Variants in EPOP observed in about 807,000 individuals in gnomAD.
EPOP encodes elongin BC and polycomb repressive complex 2 associated protein, also known as elongin BC and Polycomb repressive complex 2-associated protein.
EPOP carries 14 observed loss-of-function variants against 18.2 expected under a neutral mutation model. That is an observed-to-expected ratio of 0.77 (90% CI 0.51 to 1.20). The LOEUF is 1.20. EPOP is among the 50% of genes most tolerant of loss of function. EPOP has a pLI of 0.00. For synonymous variants in EPOP, 252 were observed against 274.9 expected (o/e 0.92, Z 0.83); for missense variants, 527 against 577.2 (o/e 0.91, Z 0.89).
Position 38,672,397 on chromosome 17 carries a change from C to T in EPOP, c.*959G>A, listed in dbSNP as rs1910972561. 6.6e-6 allele frequency: 1 copy of T among 152,240 alleles called. No individual in the cohort carries two copies. The highest frequency in any genetic ancestry group is 1.5e-5 in the Non-Finnish European group (1 of 68,080). The allele number at this position is 152,240 out of a possible 1,614,324, so 9.4% of individuals were successfully genotyped here. On this transcript the variant is annotated 3_prime_UTR_variant, in exon 1 of 1. Transcript: ENST00000621654. The stretch of plus-strand genomic sequence containing the variant: ...AGAATGGACTTGGGCCTGCCTTCCA[C>T]CTCCACCCCCTCTCATCCATAAATC...
At position 38,674,391 on chromosome 17, in the gene EPOP, G is replaced by A; in HGVS notation, c.105C>T (p.Phe35=). ...CGAGGGCACGCAGGCACAGCGGAGAGAATTCCTGGGTCCCCCGACACGGCT... is the reference window on the plus strand; with the variant it reads ...CGAGGGCACGCAGGCACAGCGGAGAAAATTCCTGGGTCCCCCGACACGGCT... ...PRKPCRGTQE[F]SPLCLRALAF... Residue 35 remains phenylalanine, a synonymous_variant, in exon 1 of 1, where the codon TTC becomes TTT. Coordinates refer to ENST00000621654, the MANE Select transcript of EPOP (RefSeq NM_001130677.2). The surrounding 1 kb of genome is among the most constrained non-coding windows in gnomAD (Gnocchi z 4.5). 1 of 1,543,972 alleles carries A rather than the reference G, an allele frequency of 6.5e-7. No individual in the cohort carries two copies. Among genetic ancestry groups the A allele is most frequent in the South Asian group, 1.2e-5 (1 of 83,938 alleles).
At position 38,673,691 on chromosome 17, in the gene EPOP, G is replaced by A. The variant is rs1434577334; in HGVS notation, c.805C>T (p.Arg269Cys). Residue 269 changes from arginine (R) to cysteine (C), a missense_variant, in exon 1 of 1, where the codon CGC becomes TGC. Physicochemically the swap from Arg to Cys is radical, Grantham distance 180. Transcript: ENST00000621654. Reference protein sequence around the residue: ...KGFALDTPSLRRGPERPPAKG... With the variant: ...KGFALDTPSLCRGPERPPAKG... ...GCAGGCGGCCGCTCTGGCCCCCGGC[G>A]CAAACTCGGAGTGTCCAAGGCGAAG... 1 of 1,532,524 alleles carries A rather than the reference G, an allele frequency of 6.5e-7. No individual in the cohort carries two copies. 94.9% of individuals were successfully genotyped at this position (1,532,524 alleles called of 1,614,324 possible).
chr17:38,674,457 C>T lies in EPOP; in HGVS notation c.39G>A (p.Pro13=), dbSNP rs1911062189. 1 of 1,537,344 alleles carries T rather than the reference C, an allele frequency of 6.5e-7. No individual in the cohort carries two copies. The highest frequency in any genetic ancestry group is 8.7e-7 in the Non-Finnish European group (1 of 1,144,844). ...AGCAGGGCGACCCTCGCGGGGACGC[C>T]GGCACTGCCAGGCGGGGCGCAGGGC... is the stretch of plus-strand genomic sequence containing the variant. The part of the protein sequence containing the change: ...TLCPAPRLAV[P]ASPRGSPCSP... The change falls in exon 1 of 1, where the codon CCG becomes CCA. Residue 13 remains proline, a synonymous_variant. Transcript: ENST00000621654. This position sits in a 1 kb window ranked among gnomAD's most constrained non-coding sequence, Gnocchi z 4.5.
Position 38,674,498 on chromosome 17 carries a change from A to C in EPOP, c.-3T>G, listed in dbSNP as rs1911064112. On this transcript the variant is annotated 5_prime_UTR_variant, in exon 1 of 1. Coordinates refer to ENST00000621654, the MANE Select transcript of EPOP (RefSeq NM_001130677.2). This position sits in a 1 kb window ranked among gnomAD's most constrained non-coding sequence, Gnocchi z 4.5. ...GGCGCAGGGCACAGGGTCTCCATGG[A>C]GCAGCCTGAGGGGTGCCCACTGAGC... 6.6e-7 allele frequency: 1 copy of C among 1,526,570 alleles called. No individual in the cohort carries two copies. 94.6% of individuals were successfully genotyped at this position (1,526,570 alleles called of 1,614,324 possible). A position where few individuals can be genotyped will look rare whatever the true frequency, so the allele number is the denominator to read the frequency against.
chr17:38,674,062 T>G lies in EPOP; in HGVS notation c.434A>C (p.His145Pro), dbSNP rs964240546. ...APPGRCPAPP[H>P]PRESTTSFAS... is the part of the protein sequence containing the mutation. ...GAAGCTGGTCGTAGATTCCCGAGGG[T>G]GCGGGGGCGCAGGGCAGCGGCCCGG... Residue 145 changes from histidine to proline, a missense_variant, in exon 1 of 1, where the codon CAC (histidine) becomes CCC (proline). By Grantham distance (77) the His-to-Pro change is moderately conservative. Transcript: ENST00000621654. This position sits in a 1 kb window ranked among gnomAD's most constrained non-coding sequence, Gnocchi z 4.5. 1 of 1,396,736 alleles carries G rather than the reference T, an allele frequency of 7.2e-7. No homozygotes were observed. Among genetic ancestry groups the G allele is most frequent in the Non-Finnish European group, 9.2e-7 (1 of 1,084,990 alleles). The allele number at this position is 1,396,736 out of a possible 1,614,324, so 86.5% of individuals were successfully genotyped here. A position where few individuals can be genotyped will look rare whatever the true frequency, so the allele number is the denominator to read the frequency against.
rs1460994397 is a variant in EPOP, at chr17:38,672,216, G to A, written c.*1140C>T. On this transcript the variant is annotated 3_prime_UTR_variant, in exon 1 of 1. Transcript: ENST00000621654. ...TGGGGTGTTGCGGGGGGAAGCTTAA[G>A]GTACCTCAGCCCAGGTTCCATCCAG... 1 of 152,250 alleles carries A rather than the reference G, an allele frequency of 6.6e-6. No individual in the cohort carries two copies. Among genetic ancestry groups the A allele is most frequent in the African/African-American group, 2.4e-5 (1 of 41,428 alleles). 9.4% of individuals were successfully genotyped at this position (152,250 alleles called of 1,614,324 possible). A position where few individuals can be genotyped will look rare whatever the true frequency, so the allele number is the denominator to read the frequency against.
At position 38,674,682 on chromosome 17, in the gene EPOP, G is replaced by A. The variant is rs1239790703; in HGVS notation, c.-187C>T. 2.4e-5 allele frequency: 12 copies of A among 500,932 alleles called. No homozygotes were observed. Among genetic ancestry groups the A allele is most frequent in the Non-Finnish European group, 3.6e-5 (11 of 304,362 alleles). 31.0% of individuals were successfully genotyped at this position (500,932 alleles called of 1,614,324 possible). A position where few individuals can be genotyped will look rare whatever the true frequency, so the allele number is the denominator to read the frequency against. On this transcript the variant is annotated 5_prime_UTR_variant, in exon 1 of 1. Coordinates refer to ENST00000621654, the MANE Select transcript of EPOP (RefSeq NM_001130677.2). The surrounding 1 kb of genome is among the most constrained non-coding windows in gnomAD (Gnocchi z 4.5). ...GGCTCCCTCTTCGCTCTCCTCACGC[G>A]GCCCTCCCGGCGGCCGGACTCCTGG...
In EPOP at chr17:38,674,580, G is replaced by T; in HGVS notation, c.-85C>A. The T allele has an allele frequency of 7.6e-7, 1 of 1,311,756 alleles. No homozygotes were observed. The highest frequency in any genetic ancestry group is 1.6e-5 in the South Asian group (1 of 61,064). The allele number at this position is 1,311,756 out of a possible 1,614,324, so 81.3% of individuals were successfully genotyped here. A position where few individuals can be genotyped will look rare whatever the true frequency, so the allele number is the denominator to read the frequency against. On this transcript the variant is annotated 5_prime_UTR_variant, in exon 1 of 1. Coordinates refer to ENST00000621654, the MANE Select transcript of EPOP (RefSeq NM_001130677.2). This position sits in a 1 kb window ranked among gnomAD's most constrained non-coding sequence, Gnocchi z 4.5. Reference sequence around the variant, plus strand: ...CTGCCCGAAGAGCCCACGGGTGAGGGGAACATCGCCCCCCGTCGACGGGGA... The same window carrying T: ...CTGCCCGAAGAGCCCACGGGTGAGGTGAACATCGCCCCCCGTCGACGGGGA...
At position 38,673,401 on chromosome 17, in the gene EPOP, C is replaced by A. The variant is rs1037181528; in HGVS notation, c.1095G>T (p.Glu365Asp). 4 of 1,504,962 alleles carry A rather than the reference C, an allele frequency of 2.7e-6. No homozygotes were observed. The highest frequency in any genetic ancestry group is 3.6e-6 in the Non-Finnish European group (4 of 1,126,030). The allele number at this position is 1,504,962 out of a possible 1,614,324, so 93.2% of individuals were successfully genotyped here. ...RWQMGGPAVPEPPGLKFWGIN... is the reference protein window; with the variant it reads ...RWQMGGPAVPDPPGLKFWGIN... ...TCCCCCAGAATTTGAGGCCAGGGGGCTCAGGGACAGCGGGACCCCCCATCT... is the reference window on the plus strand; with the variant it reads ...TCCCCCAGAATTTGAGGCCAGGGGGATCAGGGACAGCGGGACCCCCCATCT... The change falls in exon 1 of 1, where the codon GAG (glutamate) becomes GAT (aspartate). Residue 365 changes from glutamate (E) to aspartate (D), a missense_variant. Glu to Asp is a conservative substitution (Grantham distance 45). Coordinates refer to ENST00000621654, the MANE Select transcript of EPOP (RefSeq NM_001130677.2).
In EPOP at chr17:38,674,151, G is replaced by A. The variant is rs948504765; in HGVS notation, c.345C>T (p.Arg115=). The A allele has an allele frequency of 4.2e-6, 6 of 1,437,466 alleles. No individual in the cohort carries two copies. The highest frequency in any genetic ancestry group is 5.4e-6 in the Non-Finnish European group (6 of 1,106,850). 89.0% of individuals were successfully genotyped at this position (1,437,466 alleles called of 1,614,324 possible). ...CTCCGCCCTCTTCCTCCTCTCCGCG[G>A]CGGGGGCACGCTGCGACGTCCGCAT... is the stretch of plus-strand genomic sequence containing the variant. ...GEDADVAACP[R]RGEEEEGGGG... The change falls in exon 1 of 1, where the codon CGC becomes CGT. Residue 115 remains arginine (R), a synonymous_variant. Coordinates refer to ENST00000621654, the MANE Select transcript of EPOP (RefSeq NM_001130677.2). The surrounding 1 kb of genome is among the most constrained non-coding windows in gnomAD (Gnocchi z 4.5).
In EPOP at chr17:38,674,405, C is replaced by T; in HGVS notation, c.91G>A (p.Gly31Arg). 6.5e-7 allele frequency: 1 copy of T among 1,543,496 alleles called. No individual in the cohort carries two copies. The highest frequency in any genetic ancestry group is 8.7e-7 in the Non-Finnish European group (1 of 1,146,212). ...CACAGCGGAGAGAATTCCTGGGTCCCCCGACACGGCTTCCGGGGCGTGGGG... is the reference window on the plus strand; with the variant it reads ...CACAGCGGAGAGAATTCCTGGGTCCTCCGACACGGCTTCCGGGGCGTGGGG... The part of the protein sequence containing the change: ...CSPTPRKPCR[G>R]TQEFSPLCLR... Residue 31 changes from glycine (G) to arginine (R), a missense_variant, in exon 1 of 1, where the codon GGG becomes AGG. Transcript: ENST00000621654. The surrounding 1 kb of genome is among the most constrained non-coding windows in gnomAD (Gnocchi z 4.5).
At position 38,672,200 on chromosome 17, in the gene EPOP, GC is replaced by G. The variant is rs1437102502; in HGVS notation, c.*1155del. On this transcript the variant is annotated 3_prime_UTR_variant, in exon 1 of 1. Transcript: ENST00000621654. ...CCGCAATCCCTGAGGCTGGGGTGTT[GC>G]GGGGGGAAGCTTAAGGTACCTCAGC... The G allele has an allele frequency of 6.6e-6, 1 of 152,306 alleles. No homozygotes were observed. Among genetic ancestry groups the G allele is most frequent in the Non-Finnish European group, 1.5e-5 (1 of 68,124 alleles). The allele number at this position is 152,306 out of a possible 1,614,324, so 9.4% of individuals were successfully genotyped here. A position where few individuals can be genotyped will look rare whatever the true frequency, so the allele number is the denominator to read the frequency against.
chr17:38,673,791 G>A lies in EPOP; in HGVS notation c.705C>T (p.Ala235=), dbSNP rs1050309644. The part of the protein sequence containing the change: ...ASPSTASPAP[A]APGDLRQEHF... ...GTTCCTGGCGGAGATCTCCGGGTGC[G>A]GCCGGAGCCGGGCTGGCCGTCGAGG... The change falls in exon 1 of 1, where the codon GCC becomes GCT. Residue 235 remains alanine (A), a synonymous_variant. Transcript: ENST00000621654. 2 of 1,518,284 alleles carry A rather than the reference G, an allele frequency of 1.3e-6. No homozygotes were observed. Among genetic ancestry groups the A allele is most frequent in the Non-Finnish European group, 1.8e-6 (2 of 1,133,778 alleles). The allele number at this position is 1,518,284 out of a possible 1,614,324, so 94.1% of individuals were successfully genotyped here. A position where few individuals can be genotyped will look rare whatever the true frequency, so the allele number is the denominator to read the frequency against.
In EPOP at chr17:38,673,497, T is replaced by C. The variant is rs993208803; in HGVS notation, c.999A>G (p.Leu333=). ...GGAGGCGAAGCGAGGATGCCGGCTT[T>C]AGGTCTCCGTCTTCCCCCACCACCA... ...PALVVGEDGD[L]KPASSLRLQG... The change falls in exon 1 of 1, where the codon CTA becomes CTG. Residue 333 remains leucine (L), a synonymous_variant. Coordinates refer to ENST00000621654, the MANE Select transcript of EPOP (RefSeq NM_001130677.2). 6.5e-7 allele frequency: 1 copy of C among 1,533,482 alleles called. No homozygotes were observed. Among genetic ancestry groups the C allele is most frequent in the Non-Finnish European group, 8.8e-7 (1 of 1,140,156 alleles). 95.0% of individuals were successfully genotyped at this position (1,533,482 alleles called of 1,614,324 possible). A position where few individuals can be genotyped will look rare whatever the true frequency, so the allele number is the denominator to read the frequency against.
Position 38,674,097 on chromosome 17 carries a change from G to C in EPOP, c.399C>G (p.Ser133=), listed in dbSNP as rs1199641783. ...GGGFPHFGVR[S]CAPPGRCPAP... Reference sequence around the variant, plus strand: ...CAGGGCAGCGGCCCGGAGGTGCACAGGAGCGAACGCCGAAGTGCGGGAAAC... The same window carrying C: ...CAGGGCAGCGGCCCGGAGGTGCACACGAGCGAACGCCGAAGTGCGGGAAAC... Residue 133 remains serine (S), a synonymous_variant, in exon 1 of 1, where the codon TCC becomes TCG. Coordinates refer to ENST00000621654, the MANE Select transcript of EPOP (RefSeq NM_001130677.2). The surrounding 1 kb of genome is among the most constrained non-coding windows in gnomAD (Gnocchi z 4.5). 1 of 1,450,760 alleles carries C rather than the reference G, an allele frequency of 6.9e-7. No individual in the cohort carries two copies. The highest frequency in any genetic ancestry group is 9.0e-7 in the Non-Finnish European group (1 of 1,110,980). The allele number at this position is 1,450,760 out of a possible 1,614,324, so 89.9% of individuals were successfully genotyped here.
rs1910967311 is a variant in EPOP, at chr17:38,672,191, TGGGGTG to T, written c.*1159_*1164del. On this transcript the variant is annotated 3_prime_UTR_variant, in exon 1 of 1. Coordinates refer to ENST00000621654, the MANE Select transcript of EPOP (RefSeq NM_001130677.2). ...TGACAACTCCCGCAATCCCTGAGGC[TGGGGTG>T]TTGCGGGGGGAAGCTTAAGGTACCT... The T allele has an allele frequency of 1.3e-5, 2 of 152,302 alleles. No individual in the cohort carries two copies. Among genetic ancestry groups the T allele is most frequent in the Non-Finnish European group, 2.9e-5 (2 of 68,112 alleles). The allele number at this position is 152,302 out of a possible 1,614,324, so 9.4% of individuals were successfully genotyped here.
In EPOP at chr17:38,674,692, G is replaced by C. The variant is rs1597973948; in HGVS notation, c.-197C>G. 4.2e-6 allele frequency: 2 copies of C among 478,314 alleles called. No homozygotes were observed. Among genetic ancestry groups the C allele is most frequent in the East Asian group, 7.0e-5 (2 of 28,432 alleles). The allele number at this position is 478,314 out of a possible 1,614,324, so 29.6% of individuals were successfully genotyped here. ...TCGCTCTCCTCACGCGGCCCTCCCGGCGGCCGGACTCCTGGGTCCCTGTGA... is the reference window on the plus strand; with the variant it reads ...TCGCTCTCCTCACGCGGCCCTCCCGCCGGCCGGACTCCTGGGTCCCTGTGA... On this transcript the variant is annotated 5_prime_UTR_variant, in exon 1 of 1. Transcript: ENST00000621654. The surrounding 1 kb of genome is among the most constrained non-coding windows in gnomAD (Gnocchi z 4.5).
rs1911051869 is a variant in EPOP at position 38,674,277 on chromosome 17, A to C, written c.219T>G (p.Pro73=). The change falls in exon 1 of 1, where the codon CCT becomes CCG. Residue 73 remains proline (P), a synonymous_variant. Transcript: ENST00000621654. The surrounding 1 kb of genome is among the most constrained non-coding windows in gnomAD (Gnocchi z 4.5). ...LAARSPVLRG[P]QAPLRPGGWA... ...AGCCGCCAGGGCGCAGGGGGGCCTG[A>C]GGGCCCCGCAGCACTGGGGACCGCG... is the stretch of plus-strand genomic sequence containing the variant. 1 of 1,478,928 alleles carries C rather than the reference A, an allele frequency of 6.8e-7. No homozygotes were observed. Among genetic ancestry groups the C allele is most frequent in the Non-Finnish European group, 8.9e-7 (1 of 1,124,030 alleles). 91.6% of individuals were successfully genotyped at this position (1,478,928 alleles called of 1,614,324 possible).
Position 38,673,547 on chromosome 17 carries a change from TGAG to T in EPOP, c.946_948del (p.Leu316del). Reference sequence around the variant, plus strand: ...AGGGCCGGGGGGCAGGGGAAGCAGTTGAGGAGGCTGAAGGTGCTCGTGGTGGGG... The same window carrying T: ...AGGGCCGGGGGGCAGGGGAAGCAGTTGAGGCTGAAGGTGCTCGTGGTGGGG... On this transcript the variant is annotated inframe_deletion, in exon 1 of 1. Transcript: ENST00000621654. The T allele has an allele frequency of 6.6e-7, 1 of 1,505,072 alleles. No individual in the cohort carries two copies. The highest frequency in any genetic ancestry group is 8.9e-7 in the Non-Finnish European group (1 of 1,125,986). The allele number at this position is 1,505,072 out of a possible 1,614,324, so 93.2% of individuals were successfully genotyped here.
Sources: gnomAD v4.1 joint callset for allele counts on GRCh38, gnomAD v4.1.1 for gene constraint, Gnocchi (gnomAD v3.1) non-coding constraint, MANE v1.5 for transcripts, NCBI Gene and HGNC (gene_info 2026-07-23, HGNC 2026-07-21) for gene names.